DNAH11: variants seen among roughly 807,000 people sequenced by gnomAD.
The protein encoded by DNAH11 is dynein axonemal heavy chain 11, also known as axonemal beta dynein heavy chain 11.
A neutral mutation model predicts 526.0 loss-of-function variants in DNAH11; 442 were observed. The ratio of observed to expected loss-of-function variants is 0.84; its 90% CI spans 0.78 to 0.91. The LOEUF (loss-of-function observed/expected upper bound fraction) is 0.91. DNAH11 is among the 40% of genes least tolerant of loss of function. DNAH11 has a pLI of 0.00. For synonymous variants in DNAH11, 2,461 were observed against 1,935.9 expected (o/e 1.27, Z -7.12); for missense variants, 6,989 against 5,448.7 (o/e 1.28, Z -8.90).
intron 65 of DNAH11, 146 bp from the exon 66 acceptor site, chr7:21,842,398 T>G (rs932076958): frequency 1.7e-6 from 1 of 594,282 alleles, no homozygotes; most frequent in Non-Finnish European, 2.8e-6. Context: ...TGCTGTACTT[T>G]AGGAAATTTG....
chr7:21,604,205 C>T (rs1583520251), intron 18 of DNAH11, among the ~76,000 whole-genome samples: 1 of 152,172 alleles, frequency 6.6e-6, no homozygotes, highest in African/African-American at 2.4e-5. Flanking sequence ...TGAAGTATTA[C>T]TTCCTTAAAG....
chr7:21,615,835 T>C (rs1034943181), intron 21 of DNAH11, among the ~76,000 whole-genome samples: 1 of 152,118 alleles, frequency 6.6e-6, no homozygotes, highest in Non-Finnish European at 1.5e-5. Flanking sequence ...GAGAGTTTTG[T>C]TTATAATGGT....
chr7:21,867,880 G>C lies in DNAH11; in HGVS notation c.11712G>C (p.Leu3904=), dbSNP rs761612271. Residue 3904 remains leucine, a synonymous_variant, in exon 72 of 82, where the codon CTG becomes CTC. Coordinates refer to ENST00000409508, the MANE Select transcript of DNAH11 (RefSeq NM_001277115.2). ...YALRNFVEEK[L]GAKYVERTRL... is the part of the protein sequence containing the mutation. ...ATAGAAATTTTGTAGAGGAAAAACT[G>C]GGTGCGAAGTATGTGGAGAGGACCA... is the stretch of plus-strand genomic sequence containing the variant. 2.0e-5 allele frequency: 32 copies of C among 1,576,832 alleles called. No homozygotes were observed. The highest frequency in any genetic ancestry group is 4.3e-6 in the Non-Finnish European group (5 of 1,160,034).
At position 21,544,662 on chromosome 7, in the gene DNAH11, A is replaced by G. The variant is rs560843949; in HGVS notation, c.352-344A>G. 1.4e-4 allele frequency among the ~76,000 whole-genome samples: 19 copies of G among 133,562 alleles called. No homozygotes were observed. In the East Asian group the frequency reaches 3.7e-3, roughly 26 times the overall value. 87.6% of individuals were successfully genotyped at this position (133,562 alleles called of 152,430 possible). ...TCCAAACCAGAGAAGAGTATAAAAA[A>G]TAACCCTTTAGGATTGAAACATTTC... is the stretch of plus-strand genomic sequence containing the variant. On this transcript the variant is annotated intron_variant, in intron 1 of 81. Coordinates refer to ENST00000409508, the MANE Select transcript of DNAH11 (RefSeq NM_001277115.2).
At position 21,706,514 on chromosome 7, in the gene DNAH11, A is replaced by G. The variant is rs558624772; in HGVS notation, c.6546+977A>G. Among the ~76,000 whole-genome samples, 44 of 152,318 alleles carry G rather than the reference A, an allele frequency of 2.9e-4. No homozygotes were observed. In the South Asian group the frequency reaches 8.7e-3, roughly 30 times the overall value. ...AAAAATATAATAAATGAAATATTAA[A>G]GTAGATAACTGATAGACCTGTAATT... is the stretch of plus-strand genomic sequence containing the variant. On this transcript the variant is annotated intron_variant, in intron 39 of 81. Coordinates refer to ENST00000409508, the MANE Select transcript of DNAH11 (RefSeq NM_001277115.2).
chr7:21,820,317 T>C (rs992058928), intron 65 of DNAH11, among the ~76,000 whole-genome samples: 2 of 152,196 alleles, frequency 1.3e-5, no homozygotes, highest in African/African-American at 4.8e-5. Context: ...AATCAGTGAA[T>C]GTAAAGCAGA....
chr7:21,714,490 T>C (rs1456166683), intron 42 of DNAH11, among the ~76,000 whole-genome samples: 1 of 152,214 alleles, frequency 6.6e-6, no homozygotes, highest in Non-Finnish European at 1.5e-5. Context: ...TTGGAGACTT[T>C]AACATCTTAC....
chr7:21,685,438 T>C (rs1024731743), intron 32 of DNAH11, among the ~76,000 whole-genome samples: 8 of 152,240 alleles, frequency 5.3e-5, no homozygotes, highest in African/African-American at 1.9e-4. Context: ...AAGATGAAAG[T>C]TCATTTTGAT....
Position 21,717,909 on chromosome 7 carries a change from A to T in DNAH11, c.7118A>T (p.Glu2373Val). ...TTTAAAACCATCACTTCAATTCCTG[A>T]GAGTAGCCTGGTGCAGGTTTGTCTT... ...TSFKTITSIPESSLVQTLCVL... is the reference protein window; with the variant it reads ...TSFKTITSIPVSSLVQTLCVL... The change falls in exon 43 of 82, where the codon GAG (glutamate) becomes GTG (valine). Residue 2373 changes from glutamate (E) to valine (V), a missense_variant. Glu to Val is a moderately radical substitution (Grantham distance 121, BLOSUM62 -2). Transcript: ENST00000409508. The T allele has an allele frequency of 6.2e-7, 1 of 1,613,138 alleles. No individual in the cohort carries two copies. The highest frequency in any genetic ancestry group is 8.5e-7 in the Non-Finnish European group (1 of 1,179,378).
chr7:21,687,625 C>T lies in DNAH11; in HGVS notation c.5924+98C>T. On this transcript the variant is annotated intron_variant, in intron 34 of 81. Coordinates refer to ENST00000409508, the MANE Select transcript of DNAH11 (RefSeq NM_001277115.2). The stretch of plus-strand genomic sequence containing the variant: ...TGTCTATTGCTACCTCTCCCTGTCT[C>T]ATGAAATAGATAAAGGAAGATTCTG... 1.1e-5 allele frequency: 15 copies of T among 1,372,140 alleles called. No individual in the cohort carries two copies. The South Asian group carries it at 2.3e-4, about 21-fold the overall frequency. 85.0% of individuals were successfully genotyped at this position (1,372,140 alleles called of 1,614,324 possible). A position where few individuals can be genotyped will look rare whatever the true frequency, so the allele number is the denominator to read the frequency against.
chr7:21,710,728 C>A (rs765093222), intron 41 of DNAH11, 25 bp downstream of exon 41: 4 of 1,595,176 alleles, frequency 2.5e-6, no homozygotes, highest in Non-Finnish European at 3.4e-6. Context: ...TGTTCTCAAC[C>A]TTAAATATAA....
chr7:21,621,029 G>A (rs1786027514), intron 25 of DNAH11, among the ~76,000 whole-genome samples: 1 of 151,996 alleles, frequency 6.6e-6, no homozygotes, highest in African/African-American at 2.4e-5. Context: ...AAACATACGT[G>A]TGCATGTGTC....
intron 79 of DNAH11, among the ~76,000 whole-genome samples, chr7:21,895,908 T>C (rs2128049594): frequency 6.6e-6 from 1 of 152,222 alleles, no homozygotes; most frequent in South Asian, 2.1e-4. Flanking sequence ...TTTTTGTATA[T>C]TTAGTAGAGA....
intron 74 of DNAH11, 49 bp downstream of exon 74, chr7:21,873,550 A>G (rs1234183831): frequency 6.3e-7 from 1 of 1,576,152 alleles, no homozygotes; most frequent in Non-Finnish European, 8.7e-7. Context: ...GAGTCATCTC[A>G]CAAGACTGTG....
At chr7:21,780,171 C>G (rs1255726937) in intron 57 of DNAH11, among the ~76,000 whole-genome samples, 1 of 152,020 alleles carries the variant, frequency 6.6e-6, no homozygotes, top group Non-Finnish European at 1.5e-5. Flanking sequence ...ATTTGGCATG[C>G]CCTATGTGAT....
chr7:21,861,946 C>G lies in DNAH11; in HGVS notation c.11296C>G (p.His3766Asp). Residue 3766 changes from histidine to aspartate, a missense_variant, in exon 69 of 82, where the codon CAT (histidine) becomes GAT (aspartate). Transcript: ENST00000409508. ...CTCTATCCTGATGGAGAGCATCACC[C>G]ATGCTGTCTTCCTCTACACCAGCCA... ...RISILMESITHAVFLYTSQAL... is the reference protein window; with the variant it reads ...RISILMESITDAVFLYTSQAL... 9.9e-6 allele frequency: 16 copies of G among 1,613,772 alleles called. No individual in the cohort carries two copies. Among genetic ancestry groups the G allele is most frequent in the Non-Finnish European group, 1.4e-5 (16 of 1,179,818 alleles).
intron 73 of DNAH11, among the ~76,000 whole-genome samples, chr7:21,870,861 G>A (rs1284030280): frequency 2.0e-5 from 3 of 152,142 alleles, no homozygotes; most frequent in Non-Finnish European, 4.4e-5. Context: ...CCCCACCCCT[G>A]TACCCACATA....
At chr7:21,774,848 G>A (rs998318601) in intron 56 of DNAH11, among the ~76,000 whole-genome samples, 3 of 152,130 alleles carry the variant, frequency 2.0e-5, no homozygotes, top group African/African-American at 4.8e-5. Context: ...GAGCTGGAGT[G>A]AGAAGAATCC....
chr7:21,791,204 G>A lies in DNAH11; in HGVS notation c.10026+1862G>A, dbSNP rs1405104481. The stretch of plus-strand genomic sequence containing the variant: ...CTGGCAGTTTACAGAAACCCCTGGA[G>A]CTTCAGTTTCTCATCTGTCAAGTAG... On this transcript the variant is annotated intron_variant, in intron 61 of 81. Transcript: ENST00000409508. Among the ~76,000 whole-genome samples, 4 of 152,324 alleles carry A rather than the reference G, an allele frequency of 2.6e-5. No individual in the cohort carries two copies. The East Asian group carries it at 5.8e-4, about 22-fold the overall frequency.
Sources: allele counts gnomAD v4.1 joint callset (sites outside exome capture counted in the v4.1 genomes callset), GRCh38; gene constraint gnomAD v4.1.1; transcripts MANE v1.5; gene names NCBI Gene and HGNC (gene_info 2026-07-23, HGNC 2026-07-21).